RAPGEF2: variants seen among roughly 807,000 people sequenced by gnomAD.
RAPGEF2 encodes PDZ domain containing guanine nucleotide exchange factor (GEF) 1.
In RAPGEF2, 54 loss-of-function variants were observed where a neutral mutation model predicts 186.7. That is an observed-to-expected ratio of 0.29 (90% confidence interval 0.23 to 0.36). RAPGEF2 has a LOEUF of 0.36. Ranked by LOEUF, RAPGEF2 falls within the 10% of genes least tolerant of loss-of-function variation. The pLI, the probability that RAPGEF2 is intolerant of heterozygous loss-of-function variation, is 1.00. For synonymous variants in RAPGEF2, 712 were observed against 705.9 expected (o/e 1.01, Z -0.14); for missense variants, 1,532 against 2,045.0 (o/e 0.75, Z 4.84).
chr4:159,326,085 G>C (rs115556078), intron 11 of RAPGEF2, among the ~76,000 whole-genome samples: 1,613 of 152,246 alleles, frequency 0.011, 35 homozygotes, highest in African/African-American at 0.037. Context: ...TTTCGTTCTT[G>C]TACTTCCATT....
rs76794287 is a variant in RAPGEF2 at position 159,243,017 on chromosome 4, C to T, written c.526-757C>T. Among the ~76,000 whole-genome samples, 1,219 of 151,876 alleles carry T rather than the reference C, an allele frequency of 8.0e-3. 15 individuals carry two copies. Among genetic ancestry groups the T allele is most frequent in the African/African-American group, 0.027 (1,140 of 41,466 alleles). ...AACTGTTCTCTCCCCTCACCCCCAG[C>T]GTGATTCCCCCTTTATGGAAAGCTT... is the stretch of plus-strand genomic sequence containing the variant. On this transcript the variant is annotated intron_variant, in intron 6 of 29. Transcript: ENST00000691494.
chr4:159,134,527 A>G (rs1262810347), intron 1 of RAPGEF2, among the ~76,000 whole-genome samples: 1 of 152,200 alleles, frequency 6.6e-6, no homozygotes, highest in African/African-American at 2.4e-5. Flanking sequence ...TGATAAGTGT[A>G]TGTTTAACTT....
At chr4:159,343,447 G>A (rs767187812) in intron 22 of RAPGEF2, 43 bp downstream of exon 22, 6 of 1,592,760 alleles carry the variant, frequency 3.8e-6, no homozygotes, top group Non-Finnish European at 5.1e-6. Context: ...AGTAGAGAAG[G>A]TTAAATTTAG....
intron 22 of RAPGEF2, among the ~76,000 whole-genome samples, chr4:159,343,654 G>A (rs1729861494): frequency 6.6e-6 from 1 of 152,184 alleles, no homozygotes; most frequent in Non-Finnish European, 1.5e-5. Flanking sequence ...ACACAATTAT[G>A]TGTTTCTTAT....
intron 7 of RAPGEF2, among the ~76,000 whole-genome samples, chr4:159,254,879 G>T (rs962440567): frequency 1.3e-5 from 2 of 152,188 alleles, no homozygotes; most frequent in Non-Finnish European, 2.9e-5. Flanking sequence ...GGGATCACAG[G>T]CGTGAGCCAC....
At chr4:159,345,763 T>C (rs1022603594) in intron 24 of RAPGEF2, among the ~76,000 whole-genome samples, 53 of 152,096 alleles carry the variant, frequency 3.5e-4, no homozygotes, top group African/African-American at 1.2e-3. Context: ...GAACAACAAA[T>C]TCAGCTACCA....
intron 1 of RAPGEF2, among the ~76,000 whole-genome samples, chr4:159,116,332 A>T (rs1032358970): frequency 2.0e-5 from 3 of 152,252 alleles, no homozygotes; most frequent in African/African-American, 7.2e-5. Context: ...CATGGAAAAA[A>T]AGCTCAACAT....
At chr4:159,158,534 C>T (rs1396156898) in intron 1 of RAPGEF2, among the ~76,000 whole-genome samples, 3 of 152,184 alleles carry the variant, frequency 2.0e-5, no homozygotes, top group Non-Finnish European at 4.4e-5. Context: ...AAATAGCTAA[C>T]ACCTTTCCTT....
intron 12 of RAPGEF2, 64 bp downstream of exon 12, chr4:159,330,074 G>C: frequency 6.6e-7 from 1 of 1,520,528 alleles, no homozygotes; most frequent in Non-Finnish European, 8.8e-7. Flanking sequence ...GGTTGTGGCA[G>C]TTTAGGATTT....
rs544179922 is a variant in RAPGEF2, at chr4:159,277,700, A to G, written c.544-26642A>G. ...AGTGATGGTGAGCATTTTTTCACAT[A>G]TCTGTTGGCTGCATAAATGTCTTCT... On this transcript the variant is annotated intron_variant, in intron 7 of 29. Coordinates refer to ENST00000691494, the MANE Select transcript of RAPGEF2 (RefSeq NM_001394067.2). Among the ~76,000 whole-genome samples, 590 of 152,122 alleles carry G rather than the reference A, an allele frequency of 3.9e-3. 4 individuals carry two copies. The highest frequency in any genetic ancestry group is 0.014 in the African/African-American group (561 of 41,524).
chr4:159,181,876 G>A (rs562091205), intron 1 of RAPGEF2, among the ~76,000 whole-genome samples: 2 of 152,202 alleles, frequency 1.3e-5, no homozygotes, highest in East Asian at 1.9e-4. Context: ...ACAACTTCAA[G>A]TAACATACAA....
chr4:159,326,000 C>T (rs917496241), intron 11 of RAPGEF2, among the ~76,000 whole-genome samples: 1 of 152,080 alleles, frequency 6.6e-6, no homozygotes, highest in African/African-American at 2.4e-5. Flanking sequence ...GGGTGAGGTA[C>T]CTGCTAAAGA....
At chr4:159,176,257 G>A (rs1746441581) in intron 1 of RAPGEF2, among the ~76,000 whole-genome samples, 1 of 152,146 alleles carries the variant, frequency 6.6e-6, no homozygotes, top group Non-Finnish European at 1.5e-5. Flanking sequence ...GAACGAGGTG[G>A]TTTGAACATG....
At chr4:159,245,126 T>G (rs758061502) in intron 7 of RAPGEF2, among the ~76,000 whole-genome samples, 7 of 152,044 alleles carry the variant, frequency 4.6e-5, no homozygotes, top group Non-Finnish European at 8.8e-5. Flanking sequence ...TGAGTTATGA[T>G]GTATACTTTA....
intron 20 of RAPGEF2, among the ~76,000 whole-genome samples, chr4:159,342,553 A>ATTTTATATTATTTTATTTTATT (rs1554041228): frequency 1.3e-4 from 9 of 71,962 alleles, no homozygotes; most frequent in East Asian, 5.5e-4. Context: ...TTTATTTTAT[A>ATTTTATATTATTTTATTTTATT]TTATTTTATT....
chr4:159,178,811 G>C (rs367554143), intron 1 of RAPGEF2, among the ~76,000 whole-genome samples: 3 of 152,012 alleles, frequency 2.0e-5, no homozygotes, highest in South Asian at 4.1e-4. Context: ...CACCCGCCTC[G>C]GCTTCCCAAA....
chr4:159,179,786 C>T (rs1276646829), intron 1 of RAPGEF2, among the ~76,000 whole-genome samples: 1 of 152,152 alleles, frequency 6.6e-6, no homozygotes, highest in East Asian at 1.9e-4. Context: ...TTGCAGTGGC[C>T]TTTCATGCCC....
At position 159,338,436 on chromosome 4, in the gene RAPGEF2, A is replaced by C. The variant is rs753148633; in HGVS notation, c.2261A>C (p.His754Pro). ...AGTAATCCTGATTTATTGCAGTCACATCATCGCATTTTAGACTTCAGTGCT... is the reference window on the plus strand; with the variant it reads ...AGTAATCCTGATTTATTGCAGTCACCTCATCGCATTTTAGACTTCAGTGCT... ...SSSNPDLLQS[H>P]HRILDFSATP... Residue 754 changes from histidine to proline, a missense_variant, in exon 18 of 30, where the codon CAT (histidine) becomes CCT (proline). Coordinates refer to ENST00000691494, the MANE Select transcript of RAPGEF2 (RefSeq NM_001394067.2). 1 of 1,613,990 alleles carries C rather than the reference A, an allele frequency of 6.2e-7. No individual in the cohort carries two copies. The highest frequency in any genetic ancestry group is 1.7e-5 in the Admixed American group (1 of 60,014).
intron 1 of RAPGEF2, among the ~76,000 whole-genome samples, chr4:159,156,601 A>C (rs1027437968): frequency 3.9e-5 from 6 of 152,152 alleles, no homozygotes; most frequent in Admixed American, 2.0e-4. Flanking sequence ...CATCATTTAC[A>C]TTAGGTATTT....
Sources: allele counts gnomAD v4.1 joint callset (sites outside exome capture counted in the v4.1 genomes callset), GRCh38; gene constraint gnomAD v4.1.1; transcripts MANE v1.5; gene names NCBI Gene and HGNC (gene_info 2026-07-23, HGNC 2026-07-21).